MMS19: variants seen among roughly 807,000 people sequenced by gnomAD.
MMS19 encodes the protein MMS19 cytosolic iron-sulfur assembly component.
MMS19 carries 77 observed loss-of-function variants against 129.8 expected under a neutral mutation model. The observed-to-expected ratio is 0.59, with a 90% CI of 0.49 to 0.72. MMS19 has a LOEUF of 0.72. MMS19 is among the 30% of genes least tolerant of loss of function. The pLI, the probability that MMS19 is intolerant of heterozygous loss-of-function variation, is 0.00. For synonymous variants in MMS19, 491 were observed against 502.8 expected, an observed-to-expected ratio of 0.98 and a Z score of 0.31; for missense variants, 1,168 against 1,266.3, an observed-to-expected ratio of 0.92 and a Z score of 1.18.
intron 4 of MMS19, 128 bp from the exon 5 acceptor site, chr10:97,478,057 T>C: frequency 4.4e-6 from 3 of 679,402 alleles, no homozygotes; most frequent in Non-Finnish European, 7.6e-6. Context: ...GAAGCACTAA[T>C]AGTGAGACTC....
intron 29 of MMS19, 44 bp from the exon 30 acceptor site, chr10:97,458,944 A>G: frequency 6.4e-7 from 1 of 1,571,818 alleles, no homozygotes; most frequent in Non-Finnish European, 8.7e-7. Flanking sequence ...ATCCAAGGCA[A>G]CTGAAAGTAC....
Position 97,481,056 on chromosome 10 carries a change from G to A in MMS19, c.162-14C>T, listed in dbSNP as rs367711067. On this transcript the variant is annotated splice_polypyrimidine_tract_variant and intron_variant, in intron 2 of 30. Transcript: ENST00000438925. ...TCTAGAGAGGACCTAGGGGAAAACA[G>A]GATAGAGAGAACCTGCAATTACCCA... 6.1e-6 allele frequency: 9 copies of A among 1,483,898 alleles called. No individual in the cohort carries two copies. The highest frequency in any genetic ancestry group is 1.4e-5 in the African/African-American group (1 of 72,424). 91.9% of individuals were successfully genotyped at this position (1,483,898 alleles called of 1,614,324 possible). A position where few individuals can be genotyped will look rare whatever the true frequency, so the allele number is the denominator to read the frequency against.
At chr10:97,492,260 G>T (rs1438112468) in intron 1 of MMS19, among the ~76,000 whole-genome samples, 2 of 150,670 alleles carry the variant, frequency 1.3e-5, no homozygotes, top group South Asian at 2.1e-4. Flanking sequence ...CACGAGGTCA[G>T]GAGATTGAGA....
At chr10:97,471,793 A>C (rs2034761870) in intron 8 of MMS19, among the ~76,000 whole-genome samples, 1 of 152,200 alleles carries the variant, frequency 6.6e-6, no homozygotes, top group African/African-American at 2.4e-5. Flanking sequence ...TTACAGGCGT[A>C]AGCCACCGAA....
At chr10:97,466,302 T>A (rs1269639089) in intron 16 of MMS19, 143 bp from the exon 17 acceptor site, 1 of 779,930 alleles carries the variant, frequency 1.3e-6, no homozygotes, top group African/African-American at 1.7e-5. Flanking sequence ...CACCACTGAG[T>A]TGGACAGGGC....
chr10:97,467,704 G>C (rs547621659), intron 13 of MMS19, 121 bp from the exon 14 acceptor site: 1 of 875,430 alleles, frequency 1.1e-6, no homozygotes, highest in East Asian at 2.6e-5. Context: ...CTATGCCACA[G>C]CCAGGCTGGA....
intron 18 of MMS19, 110 bp downstream of exon 18, chr10:97,465,695 A>G (rs1367303857): frequency 2.6e-6 from 3 of 1,136,986 alleles, no homozygotes; most frequent in South Asian, 1.5e-5. Flanking sequence ...TTTTTCTTTT[A>G]AAAGAGTTGA....
intron 1 of MMS19, among the ~76,000 whole-genome samples, chr10:97,486,301 C>T (rs1019648929): frequency 4.6e-5 from 7 of 152,196 alleles, no homozygotes; most frequent in African/African-American, 1.7e-4. Context: ...CCTGTCTCAG[C>T]CACCCAAGTA....
rs761277379 is a variant in MMS19, at chr10:97,470,828, C to G, written c.718G>C (p.Asp240His). The G allele has an allele frequency of 6.2e-7, 1 of 1,613,848 alleles. No homozygotes were observed. The highest frequency in any genetic ancestry group is 8.5e-7 in the Non-Finnish European group (1 of 1,179,812). The change falls in exon 9 of 31, where the codon GAC (aspartate) becomes CAC (histidine). Residue 240 changes from aspartate (D) to histidine (H), a missense_variant. By Grantham distance (81) the Asp-to-His change is moderately conservative. Transcript: ENST00000438925. ...PNDPHGIQRE[D>H]LILSLRAVLA... ...ACAGCGCGAAGACTCAGGATGAGGT[C>G]TTCTCTCTGGATACCATGGGGATCA...
intron 1 of MMS19, among the ~76,000 whole-genome samples, chr10:97,496,928 G>A (rs1004594860): frequency 6.6e-6 from 1 of 152,176 alleles, no homozygotes. Flanking sequence ...TGGTAGGATA[G>A]ATCCTAAGTG....
chr10:97,498,580 C>G, upstream of MMS19: 1 of 629,196 alleles, frequency 1.6e-6, no homozygotes, highest in Admixed American at 3.5e-5. Flanking sequence ...AGAGGGAAGG[C>G]GGCTGCTGGG....
In MMS19 at chr10:97,480,961, G is replaced by A. The variant is rs750591788; in HGVS notation, c.243C>T (p.Thr81=). Residue 81 remains threonine (T), a synonymous_variant, in exon 3 of 31, where the codon ACC becomes ACT. Coordinates refer to ENST00000438925, the MANE Select transcript of MMS19 (RefSeq NM_022362.5). The part of the protein sequence containing the change: ...LLSQVLLHCH[T]LLLEKEVVHL... ...CAGTACCTTCCTTCTCCAGGAGCAA[G>A]GTGTGACAGTGGAGTAGCACCTGTG... 6.2e-7 allele frequency: 1 copy of A among 1,607,498 alleles called. No homozygotes were observed. Among genetic ancestry groups the A allele is most frequent in the African/African-American group, 1.3e-5 (1 of 74,846 alleles).
chr10:97,486,034 T>G (rs2037784800), intron 1 of MMS19, among the ~76,000 whole-genome samples: 1 of 152,234 alleles, frequency 6.6e-6, no homozygotes, highest in Non-Finnish European at 1.5e-5. Flanking sequence ...CCATGTTCAC[T>G]GCAGCATTAT....
At chr10:97,467,115 A>G (rs1004951506) in intron 14 of MMS19, among the ~76,000 whole-genome samples, 1 of 152,202 alleles carries the variant, frequency 6.6e-6, no homozygotes, top group African/African-American at 2.4e-5. Flanking sequence ...AGTAGCTGGA[A>G]TTACAGGCAT....
At chr10:97,484,626 A>T (rs1256478871) in intron 1 of MMS19, among the ~76,000 whole-genome samples, 2 of 152,050 alleles carry the variant, frequency 1.3e-5, no homozygotes, top group Admixed American at 6.6e-5. Context: ...CTACATAAAA[A>T]CTTTTGTTTT....
intron 12 of MMS19, 88 bp from the exon 13 acceptor site, chr10:97,468,494 C>T (rs2033993092): frequency 7.6e-7 from 1 of 1,312,910 alleles, no homozygotes; most frequent in Admixed American, 3.0e-5. Context: ...GACTGAGACC[C>T]ATGACAGTTT....
intron 2 of MMS19, among the ~76,000 whole-genome samples, chr10:97,482,460 T>C (rs1461800826): frequency 6.6e-6 from 1 of 152,072 alleles, no homozygotes; most frequent in African/African-American, 2.4e-5. Flanking sequence ...TCCATTTATA[T>C]GACATTTCCA....
At position 97,458,449 on chromosome 10, in the gene MMS19, G is replaced by C. The variant is rs766668332; in HGVS notation, c.*243C>G. 2.4e-4 allele frequency: 122 copies of C among 509,776 alleles called. No homozygotes were observed. Among genetic ancestry groups the C allele is most frequent in the Non-Finnish European group, 3.9e-4 (114 of 289,242 alleles). The allele number at this position is 509,776 out of a possible 1,614,324, so 31.6% of individuals were successfully genotyped here. On this transcript the variant is annotated 3_prime_UTR_variant, in exon 31 of 31. Transcript: ENST00000438925. ...CCCCTTTTCTGACATATAAATGCAA[G>C]AGACCCAGGACCCTAGATCTTTCTT... is the stretch of plus-strand genomic sequence containing the variant.
At chr10:97,472,759 C>T (rs1437251958) in intron 8 of MMS19, among the ~76,000 whole-genome samples, 1 of 152,080 alleles carries the variant, frequency 6.6e-6, no homozygotes, top group African/African-American at 2.4e-5. Flanking sequence ...ACAGACTCGA[C>T]CACCACGCCC....
Sources: allele counts gnomAD v4.1 joint callset (sites outside exome capture counted in the v4.1 genomes callset), GRCh38; gene constraint gnomAD v4.1.1; transcripts MANE v1.5; gene names NCBI Gene and HGNC (gene_info 2026-07-23, HGNC 2026-07-21).